Variants in SUCNR1 observed in about 807,000 individuals in gnomAD.
SUCNR1 encodes G-protein coupled receptor 91.
In SUCNR1, 5 loss-of-function variants were observed where a neutral mutation model predicts 2.4. The observed-to-expected ratio is 2.07, with a 90% CI of 1.08 to 4.36. SUCNR1 has a LOEUF of 4.36. SUCNR1 is among the 30% of genes most tolerant of loss of function. The pLI, the probability that SUCNR1 is intolerant of heterozygous loss-of-function variation, is 0.00. For synonymous variants in SUCNR1, 162 were observed against 143.9 expected, an observed-to-expected ratio of 1.13 and a Z score of -0.90; for missense variants, 373 against 399.2, an observed-to-expected ratio of 0.93 and a Z score of 0.56.
Position 151,881,053 on chromosome 3 carries a change from CA to C in SUCNR1, c.511del (p.Thr171ProfsTer21). The C allele has an allele frequency of 6.2e-7, 1 of 1,614,170 alleles. No homozygotes were observed. The highest frequency in any genetic ancestry group is 1.1e-5 in the South Asian group (1 of 91,088). ...ATCCTGTTATAACTGACAATGGCAC[CA>C]CCTGTAATGATTTTGCAAGTTCTGG... is the stretch of plus-strand genomic sequence containing the variant. ...INPVITDNGT[T>X]CNDFASSGDP... is the part of the protein sequence containing the mutation. On this transcript the variant is annotated frameshift_variant, in exon 3 of 3. Coordinates refer to ENST00000362032, the MANE Select transcript of SUCNR1 (RefSeq NM_033050.6). LOFTEE classifies it low-confidence loss of function (END_TRUNC).
chr3:151,877,472 A>G (rs1717958409), intron 1 of SUCNR1, among the ~76,000 whole-genome samples: 6 of 152,172 alleles, frequency 3.9e-5, no homozygotes, highest in South Asian at 2.1e-4. Context: ...CAAAATAGAG[A>G]TAAGAGTAGC....
At chr3:151,874,537 T>C (rs1717866493) in intron 1 of SUCNR1, among the ~76,000 whole-genome samples, 1 of 152,086 alleles carries the variant, frequency 6.6e-6, no homozygotes. Context: ...ATCCTAAAAA[T>C]TAAATTTAAC....
rs1196397453 is a variant in SUCNR1, at chr3:151,883,484, A to ATC, written c.*1937_*1938insCT. Reference sequence around the variant, plus strand: ...AACTCACATATATATATATATATATATATATATATATATATATATATGTAC... The same window carrying ATC: ...AACTCACATATATATATATATATATATCTATATATATATATATATATATGTAC... On this transcript the variant is annotated 3_prime_UTR_variant, in exon 3 of 3. Coordinates refer to ENST00000362032, the MANE Select transcript of SUCNR1 (RefSeq NM_033050.6). 1.5e-5 allele frequency: 2 copies of ATC among 135,974 alleles called. No individual in the cohort carries two copies. The highest frequency in any genetic ancestry group is 3.2e-5 in the Non-Finnish European group (2 of 63,068). The allele number at this position is 135,974 out of a possible 1,614,324, so 8.4% of individuals were successfully genotyped here. A position where few individuals can be genotyped will look rare whatever the true frequency, so the allele number is the denominator to read the frequency against.
rs755029916 is a variant in SUCNR1, at chr3:151,880,977, C to T, written c.434C>T (p.Ala145Val). ...KKEFAILISL[A>V]IWVLVTLELL... ...GAGTTTGCTATTTTAATCTCCTTGG[C>T]CATTTGGGTTTTAGTAACCTTAGAG... The change falls in exon 3 of 3, where the codon GCC (alanine) becomes GTC (valine). Residue 145 changes from alanine (A) to valine (V), a missense_variant. By Grantham distance (64) the Ala-to-Val change is moderately conservative. This residue lies in a region of SUCNR1 where 32 missense variants were observed against 58.3 expected (regional missense o/e 0.55). Coordinates refer to ENST00000362032, the MANE Select transcript of SUCNR1 (RefSeq NM_033050.6). 4 of 1,614,076 alleles carry T rather than the reference C, an allele frequency of 2.5e-6. No individual in the cohort carries two copies. In the South Asian group the frequency reaches 4.4e-5, roughly 18 times the overall value.
chr3:151,880,479 CATT>C (rs1350513157), intron 2 of SUCNR1, 77 bp from the exon 3 acceptor site: 32 of 1,059,708 alleles, frequency 3.0e-5, no homozygotes, highest in South Asian at 6.3e-5. Flanking sequence ...AAGTGTTTTT[CATT>C]ATTATTATGT....
chr3:151,883,465 C>CATATATATATAT lies in SUCNR1; in HGVS notation c.*1946_*1957dup, dbSNP rs57096358. 331 of 80,362 alleles carry CATATATATATAT rather than the reference C, an allele frequency of 4.1e-3. 7 individuals carry two copies. The highest frequency in any genetic ancestry group is 5.5e-3 in the Non-Finnish European group (234 of 42,186). 5.0% of individuals were successfully genotyped at this position (80,362 alleles called of 1,614,324 possible). A position where few individuals can be genotyped will look rare whatever the true frequency, so the allele number is the denominator to read the frequency against. ...AATATTTTTTCAAACCATAAACTCACATATATATATATATATATATATATA... is the reference window on the plus strand; with the variant it reads ...AATATTTTTTCAAACCATAAACTCACATATATATATATATATATATATATATATATATATATA... On this transcript the variant is annotated 3_prime_UTR_variant, in exon 3 of 3. Transcript: ENST00000362032.
At position 151,883,483 on chromosome 3, in the gene SUCNR1, T is replaced by TATAC. The variant is rs1194992450; in HGVS notation, c.*1938_*1939insCATA. The TATAC allele has an allele frequency of 7.4e-5, 10 of 135,600 alleles. 1 individual carries two copies. In the East Asian group the frequency reaches 1.8e-3, roughly 25 times the overall value. The allele number at this position is 135,600 out of a possible 1,614,324, so 8.4% of individuals were successfully genotyped here. On this transcript the variant is annotated 3_prime_UTR_variant, in exon 3 of 3. Coordinates refer to ENST00000362032, the MANE Select transcript of SUCNR1 (RefSeq NM_033050.6). The stretch of plus-strand genomic sequence containing the variant: ...AAACTCACATATATATATATATATA[T>TATAC]ATATATATATATATATATATATGTA...
At chr3:151,878,883 A>G (rs185415171) in intron 1 of SUCNR1, among the ~76,000 whole-genome samples, 2 of 152,366 alleles carry the variant, frequency 1.3e-5, no homozygotes, top group East Asian at 3.8e-4. Context: ...TGACAAAAAT[A>G]CATGAGTTTT....
rs958480316 is a variant in SUCNR1, at chr3:151,884,294, C to T, written c.*2746C>T. ...GAAGAATAGAGTGTATATACATAAA[C>T]CCATGTGCCAGCTGCCATTGCACTG... On this transcript the variant is annotated 3_prime_UTR_variant, in exon 3 of 3. Transcript: ENST00000362032. 1.3e-5 allele frequency: 2 copies of T among 152,092 alleles called. No homozygotes were observed. Among genetic ancestry groups the T allele is most frequent in the African/African-American group, 4.8e-5 (2 of 41,414 alleles). 9.4% of individuals were successfully genotyped at this position (152,092 alleles called of 1,614,324 possible).
chr3:151,880,749 A>G lies in SUCNR1; in HGVS notation c.206A>G (p.Asp69Gly). 1 of 1,614,000 alleles carries G rather than the reference A, an allele frequency of 6.2e-7. No homozygotes were observed. Among genetic ancestry groups the G allele is most frequent in the Non-Finnish European group, 8.5e-7 (1 of 1,179,928 alleles). Residue 69 changes from aspartate to glycine, a missense_variant, in exon 3 of 3, where the codon GAC becomes GGC. This residue lies in a region of SUCNR1 where 184 missense variants were observed against 162.2 expected (regional missense o/e 1.13). Coordinates refer to ENST00000362032, the MANE Select transcript of SUCNR1 (RefSeq NM_033050.6). ...TATCTCTTTAACCTCTCTGTCTCTG[A>G]CTTAGCTTTTCTGTGCACCCTCCCC... ...NIYLFNLSVS[D>G]LAFLCTLPML...
intron 1 of SUCNR1, among the ~76,000 whole-genome samples, chr3:151,874,254 A>G (rs1576662836): frequency 1.3e-5 from 2 of 149,018 alleles, no homozygotes; most frequent in African/African-American, 4.9e-5. Context: ...GGCTCACTGC[A>G]ACCTCCGCCT....
rs1383127426 is a variant in SUCNR1, at chr3:151,883,497, T to C, written c.*1949T>C. On this transcript the variant is annotated 3_prime_UTR_variant, in exon 3 of 3. Coordinates refer to ENST00000362032, the MANE Select transcript of SUCNR1 (RefSeq NM_033050.6). ...ATATATATATATATATATATATATATATATATATGTACCTTGTAAACAAGA... is the reference window on the plus strand; with the variant it reads ...ATATATATATATATATATATATATACATATATATGTACCTTGTAAACAAGA... 8.1e-6 allele frequency: 1 copy of C among 124,012 alleles called. No homozygotes were observed. The allele number at this position is 124,012 out of a possible 1,614,324, so 7.7% of individuals were successfully genotyped here. A position where few individuals can be genotyped will look rare whatever the true frequency, so the allele number is the denominator to read the frequency against.
chr3:151,876,453 A>G (rs1487646008), intron 1 of SUCNR1, among the ~76,000 whole-genome samples: 1 of 152,184 alleles, frequency 6.6e-6, no homozygotes, highest in African/African-American at 2.4e-5. Flanking sequence ...ATTATCAAAT[A>G]GATGCCAATT....
rs1273887692 is a variant in SUCNR1 at position 151,883,399 on chromosome 3, C to T, written c.*1851C>T. 2 of 145,610 alleles carry T rather than the reference C, an allele frequency of 1.4e-5. No individual in the cohort carries two copies. Among genetic ancestry groups the T allele is most frequent in the South Asian group, 2.1e-4 (1 of 4,690 alleles). The allele number at this position is 145,610 out of a possible 1,614,324, so 9.0% of individuals were successfully genotyped here. A position where few individuals can be genotyped will look rare whatever the true frequency, so the allele number is the denominator to read the frequency against. On this transcript the variant is annotated 3_prime_UTR_variant, in exon 3 of 3. Coordinates refer to ENST00000362032, the MANE Select transcript of SUCNR1 (RefSeq NM_033050.6). ...ATTTGCTTCCCCTACATCCCAACTC[C>T]AAGAAGTCACAGGAATAGACTCTTT...
chr3:151,875,447 G>C (rs1398981104), intron 1 of SUCNR1, among the ~76,000 whole-genome samples: 2 of 151,846 alleles, frequency 1.3e-5, no homozygotes, highest in Non-Finnish European at 2.9e-5. Flanking sequence ...AAGTTAAATT[G>C]GTCTGCAAAT....
chr3:151,880,450 T>C, intron 2 of SUCNR1, 109 bp from the exon 3 acceptor site: 1 of 801,514 alleles, frequency 1.2e-6, no homozygotes, highest in Non-Finnish European at 2.0e-6. Flanking sequence ...TGTAACCTAC[T>C]TTCTATAGTT....
chr3:151,879,926 A>C lies in SUCNR1; in HGVS notation c.15+19A>C. ...GATCATGGTATGTTTAGAGACACAA[A>C]AGTGAATTCAAAATCTTCTCTTCAA... is the stretch of plus-strand genomic sequence containing the variant. On this transcript the variant is annotated intron_variant, in intron 2 of 2. Transcript: ENST00000362032. 6.4e-7 allele frequency: 1 copy of C among 1,551,578 alleles called. No homozygotes were observed. Among genetic ancestry groups the C allele is most frequent in the Non-Finnish European group, 8.7e-7 (1 of 1,147,726 alleles).
intron 1 of SUCNR1, among the ~76,000 whole-genome samples, chr3:151,878,717 CGA>C (rs1042794344): frequency 5.9e-5 from 9 of 151,928 alleles, no homozygotes; most frequent in Non-Finnish European, 1.3e-4. Flanking sequence ...TAGAGAGATT[CGA>C]GAGACTCCGA....
chr3:151,880,557 A>T lies in SUCNR1; in HGVS notation c.16-2A>T. On this transcript the variant is annotated splice_acceptor_variant, in intron 2 of 2. Coordinates refer to ENST00000362032, the MANE Select transcript of SUCNR1 (RefSeq NM_033050.6). LOFTEE classifies it high-confidence loss of function. ...TCCTTATATTTTCTCTCTCTTCTTT[A>T]GGCATGGAATGCAACTTGCAAAAAC... The T allele has an allele frequency of 6.3e-7, 1 of 1,591,964 alleles. No homozygotes were observed. The highest frequency in any genetic ancestry group is 1.4e-5 in the African/African-American group (1 of 73,796).
Sources: gnomAD v4.1 joint callset for allele counts (sites outside exome capture counted in the v4.1 genomes callset) on GRCh38, gnomAD v4.1.1 for gene constraint, gnomAD v4.1.1 regional missense constraint, MANE v1.5 for transcripts, NCBI Gene and HGNC (gene_info 2026-07-23, HGNC 2026-07-21) for gene names.